Variants in NRG3 observed in about 807,000 individuals in gnomAD.
The protein encoded by NRG3 is pro-neuregulin-3, membrane-bound isoform.
NRG3 carries 31 observed loss-of-function variants against 66.9 expected under a neutral mutation model. That is an observed-to-expected ratio of 0.46 (90% CI 0.35 to 0.63). The LOEUF (loss-of-function observed/expected upper bound fraction) is 0.63. Among genes scored for constraint, NRG3 ranks in the 20% least tolerant of loss-of-function variants. The pLI is 0.00. For missense variants in NRG3, 910 were observed against 878.9 expected, an observed-to-expected ratio of 1.04 and a Z score of -0.45; for synonymous variants, 393 against 359.4, an observed-to-expected ratio of 1.09 and a Z score of -1.06.
chr10:82,651,958 C>T, intron 2 of NRG3, among the ~76,000 whole-genome samples: 1 of 152,214 alleles, frequency 6.6e-6, no homozygotes, highest in South Asian at 2.1e-4. Context: ...TTACTCAACC[C>T]ACAGTTCTTG....
chr10:82,009,591 C>T (rs1261798059), intron 1 of NRG3, among the ~76,000 whole-genome samples: 1 of 152,136 alleles, frequency 6.6e-6, no homozygotes, highest in Admixed American at 6.6e-5. Context: ...TCCTTTTACA[C>T]TAAAGGAAGT....
At chr10:82,426,252 G>A (rs2089432065) in intron 2 of NRG3, among the ~76,000 whole-genome samples, 1 of 152,124 alleles carries the variant, frequency 6.6e-6, no homozygotes, top group Admixed American at 6.6e-5. Flanking sequence ...TTATGAAAGT[G>A]TGTGAGGGCT....
chr10:82,770,183 C>T (rs1346290840), intron 3 of NRG3, among the ~76,000 whole-genome samples: 1 of 152,112 alleles, frequency 6.6e-6, no homozygotes, highest in Non-Finnish European at 1.5e-5. Flanking sequence ...AGCAGCATGA[C>T]TATGCATAGT....
At chr10:82,550,606 G>A (rs1467761958) in intron 2 of NRG3, among the ~76,000 whole-genome samples, 5 of 152,036 alleles carry the variant, frequency 3.3e-5, no homozygotes, top group African/African-American at 1.2e-4. Flanking sequence ...TGTGTTTTTA[G>A]GATCTTTTCT....
At chr10:82,154,703 C>T (rs767457949) in intron 1 of NRG3, among the ~76,000 whole-genome samples, 40 of 151,490 alleles carry the variant, frequency 2.6e-4, no homozygotes, top group Non-Finnish European at 4.3e-4. Context: ...TCCATAAGCA[C>T]GGGATTTCTT....
chr10:82,435,847 T>C (rs117637952), intron 2 of NRG3, among the ~76,000 whole-genome samples: 5,700 of 146,870 alleles, frequency 0.039, 112 homozygotes, highest in South Asian at 0.048. Context: ...AGTGGCACAA[T>C]TGGTTTTGAG....
intron 1 of NRG3, among the ~76,000 whole-genome samples, chr10:82,074,491 C>A (rs76125279): frequency 0.027 from 4,153 of 152,188 alleles, 199 homozygotes; most frequent in African/African-American, 0.096. Context: ...TAGACTATAA[C>A]ACAGCAGTAT....
chr10:82,203,935 A>G (rs2074981472), intron 1 of NRG3, among the ~76,000 whole-genome samples: 1 of 152,154 alleles, frequency 6.6e-6, no homozygotes, highest in South Asian at 2.1e-4. Flanking sequence ...ACTTTTCATT[A>G]TGACTTTTTT....
intron 1 of NRG3, among the ~76,000 whole-genome samples, chr10:81,968,969 G>A (rs2059830212): frequency 6.6e-6 from 1 of 152,162 alleles, no homozygotes; most frequent in Admixed American, 6.5e-5. Context: ...GATTAGAGTA[G>A]CCCTGGTTGG....
chr10:81,996,609 A>G (rs1249334700), intron 1 of NRG3, among the ~76,000 whole-genome samples: 1 of 152,066 alleles, frequency 6.6e-6, no homozygotes, highest in African/African-American at 2.4e-5. Context: ...CTTTCTGCTA[A>G]TGTTTCTGAT....
intron 1 of NRG3, among the ~76,000 whole-genome samples, chr10:81,924,926 A>T (rs1405114754): frequency 6.6e-6 from 1 of 152,122 alleles, no homozygotes; most frequent in Non-Finnish European, 1.5e-5. Context: ...GTATATTTGC[A>T]GGTGAAAGAG....
intron 1 of NRG3, among the ~76,000 whole-genome samples, chr10:81,923,724 C>T (rs1718413124): frequency 1.1e-4 from 1 of 8,814 alleles, no homozygotes; most frequent in African/African-American, 5.2e-4. Context: ...AAGCCTTCCA[C>T]AAATTCCCCC....
intron 6 of NRG3, among the ~76,000 whole-genome samples, chr10:82,961,302 G>T (rs1850617929): frequency 6.6e-6 from 1 of 152,110 alleles, no homozygotes; most frequent in Admixed American, 6.5e-5. Context: ...AATTAATATT[G>T]TTAAATGATG....
intron 1 of NRG3, among the ~76,000 whole-genome samples, chr10:82,006,474 T>A (rs935856569): frequency 3.3e-5 from 5 of 152,252 alleles, no homozygotes; most frequent in Admixed American, 3.3e-4. Context: ...TCAAATATGT[T>A]TATTTTTCTT....
chr10:82,861,166 A>G (rs1448784985), intron 3 of NRG3, among the ~76,000 whole-genome samples: 1 of 151,792 alleles, frequency 6.6e-6, no homozygotes, highest in Non-Finnish European at 1.5e-5. Flanking sequence ...GTGTGTGTGT[A>G]TTCATGACAA....
At chr10:82,803,770 C>T (rs577170944) in intron 3 of NRG3, among the ~76,000 whole-genome samples, 12 of 151,814 alleles carry the variant, frequency 7.9e-5, no homozygotes, top group African/African-American at 2.9e-4. Context: ...CTCACAGGAT[C>T]GTGGGGAAAA....
chr10:82,337,639 A>G (rs2135351213), intron 1 of NRG3, among the ~76,000 whole-genome samples: 1 of 152,274 alleles, frequency 6.6e-6, no homozygotes, highest in East Asian at 1.9e-4. Context: ...ATTCCTGCCA[A>G]TACTCATTGT....
intron 2 of NRG3, among the ~76,000 whole-genome samples, chr10:82,732,563 C>T (rs545779451): frequency 1.3e-5 from 2 of 152,124 alleles, no homozygotes; most frequent in South Asian, 2.1e-4. Context: ...ATATACTTAA[C>T]CTTTCTCAAT....
chr10:82,363,655 C>A (rs2084334099), intron 2 of NRG3, among the ~76,000 whole-genome samples: 1 of 151,682 alleles, frequency 6.6e-6, no homozygotes, highest in Non-Finnish European at 1.5e-5. Context: ...GACGGGGTTT[C>A]ACTGTGTTAG....
Sources: allele counts gnomAD v4.1 joint callset (sites outside exome capture counted in the v4.1 genomes callset), GRCh38; gene constraint gnomAD v4.1.1; transcripts MANE v1.5; gene names NCBI Gene and HGNC (gene_info 2026-07-23, HGNC 2026-07-21).